DHRSX: variants seen among roughly 807,000 people sequenced by gnomAD.
The protein encoded by DHRSX is polyprenol dehydrogenase.
Under a neutral mutation model 34.0 loss-of-function variants are expected in DHRSX, and 31 were observed. That is an observed-to-expected ratio of 0.91 (90% confidence interval 0.69 to 1.23). DHRSX has a LOEUF of 1.23. DHRSX is among the 50% of genes most tolerant of loss of function. The pLI is 0.00. For synonymous variants in DHRSX, 201 were observed against 183.8 expected, an observed-to-expected ratio of 1.09 and a Z score of -0.76; for missense variants, 414 against 428.1, an observed-to-expected ratio of 0.97 and a Z score of 0.29.
At chrX:2,232,779 G>C (rs2015926162) in intron 6 of DHRSX, among the ~76,000 whole-genome samples, 1 of 151,858 alleles carries the variant, frequency 6.6e-6, no homozygotes, top group Non-Finnish European at 1.5e-5. Context: ...TCACCATGTT[G>C]GCCAGGCTGG....
At chrX:2,405,448 G>A (rs1452354844) in intron 3 of DHRSX, among the ~76,000 whole-genome samples, 3 of 150,554 alleles carry the variant, frequency 2.0e-5, no homozygotes, top group African/African-American at 4.9e-5. Context: ...AGATCACATT[G>A]CTGCACTCCA....
intron 1 of DHRSX, among the ~76,000 whole-genome samples, chrX:2,446,756 A>C (rs1488290621): frequency 6.6e-6 from 1 of 151,892 alleles, no homozygotes; most frequent in East Asian, 2.0e-4. Context: ...GTACAGAAGA[A>C]GACGTTCCCT....
In DHRSX at chrX:2,262,489, TACAC is replaced by T. The variant is rs951648814; in HGVS notation, c.596+4247_596+4250del. On this transcript the variant is annotated intron_variant, in intron 5 of 6. Coordinates refer to ENST00000334651, the MANE Select transcript of DHRSX (RefSeq NM_145177.3). The stretch of plus-strand genomic sequence containing the variant: ...CAAAGACCTCATCTGTGCCCACAGG[TACAC>T]ACAACTCACCTGTGCATATGGGCAC... Among the ~76,000 whole-genome samples the T allele has an allele frequency of 1.6e-4, 24 of 151,744 alleles. No homozygotes were observed. In the South Asian group the frequency reaches 1.9e-3, roughly 12 times the overall value.
intron 3 of DHRSX, among the ~76,000 whole-genome samples, chrX:2,312,075 G>A (rs1053099165): frequency 3.9e-5 from 6 of 151,918 alleles, no homozygotes; most frequent in African/African-American, 1.4e-4. Context: ...TGTAAGCTGT[G>A]ATAGTATCTG....
chrX:2,294,517 T>C (rs182171261), intron 3 of DHRSX, among the ~76,000 whole-genome samples: 2 of 151,600 alleles, frequency 1.3e-5, no homozygotes, highest in African/African-American at 4.8e-5. Context: ...ATACAAAAAT[T>C]AGGCGACTGT....
At chrX:2,275,700 GC>G (rs1029937718) in intron 4 of DHRSX, among the ~76,000 whole-genome samples, 139 of 151,754 alleles carry the variant, frequency 9.2e-4, no homozygotes, top group Non-Finnish European at 1.6e-3. Context: ...GATTTAATTT[GC>G]CTGTTTTTTT....
At chrX:2,367,215 G>A (rs375059990) in intron 3 of DHRSX, among the ~76,000 whole-genome samples, 20 of 152,136 alleles carry the variant, frequency 1.3e-4, no homozygotes, top group East Asian at 7.8e-4. Context: ...TGAGGTGGGC[G>A]GATCACAAAG....
At chrX:2,372,013 T>C (rs1163854793) in intron 3 of DHRSX, among the ~76,000 whole-genome samples, 2 of 152,146 alleles carry the variant, frequency 1.3e-5, no homozygotes, top group Non-Finnish European at 2.9e-5. Flanking sequence ...GAGTTTTTCT[T>C]TTCCCTTAAT....
At chrX:2,480,627 G>A (rs35698584) in intron 1 of DHRSX, among the ~76,000 whole-genome samples, 15,640 of 151,820 alleles carry the variant, frequency 0.1, 1,097 homozygotes, top group Admixed American at 0.16. Context: ...AGACCAGCCT[G>A]AGCAACATAG....
intron 3 of DHRSX, among the ~76,000 whole-genome samples, chrX:2,392,130 G>A (rs1225308426): frequency 6.6e-6 from 1 of 152,090 alleles, no homozygotes; most frequent in Non-Finnish European, 1.5e-5. Context: ...CAATTCAAAC[G>A]TGCTGCTTAA....
chrX:2,407,838 T>C (rs2043576377), intron 3 of DHRSX, among the ~76,000 whole-genome samples: 2 of 152,158 alleles, frequency 1.3e-5, no homozygotes, highest in African/African-American at 2.4e-5. Flanking sequence ...ATGTACGTGA[T>C]TCAGGTGTTA....
At chrX:2,305,073 A>G (rs189055267) in intron 3 of DHRSX, among the ~76,000 whole-genome samples, 2 of 152,290 alleles carry the variant, frequency 1.3e-5, no homozygotes, top group African/African-American at 4.8e-5. Flanking sequence ...ATGGAGCTAG[A>G]AGCCATTATT....
At chrX:2,466,104 G>C (rs753589310) in intron 1 of DHRSX, among the ~76,000 whole-genome samples, 3 of 152,182 alleles carry the variant, frequency 2.0e-5, no homozygotes, top group Admixed American at 1.3e-4. Context: ...ATAAAGAAAG[G>C]GTGGAGCATA....
At chrX:2,443,556 T>C (rs1452856066) in intron 1 of DHRSX, among the ~76,000 whole-genome samples, 1 of 151,740 alleles carries the variant, frequency 6.6e-6, no homozygotes, top group African/African-American at 2.4e-5. Context: ...ACAGGGGAAA[T>C]GATGGATCAA....
chrX:2,424,104 T>C (rs1442614312), intron 2 of DHRSX, among the ~76,000 whole-genome samples: 6 of 152,094 alleles, frequency 3.9e-5, no homozygotes. Flanking sequence ...CCCGATCTAA[T>C]TGAACTGGTG....
chrX:2,455,741 C>CAAAAAAAAAAAAAAAAAAA, intron 1 of DHRSX, among the ~76,000 whole-genome samples: 1 of 59,806 alleles, frequency 1.7e-5, no homozygotes, highest in Non-Finnish European at 3.3e-5. Context: ...AACTTCGTCT[C>CAAAAAAAAAAAAAAAAAAA]AAAAAAAAAA....
intron 3 of DHRSX, among the ~76,000 whole-genome samples, chrX:2,344,915 ACT>A (rs1443520726): frequency 1.7e-5 from 2 of 114,910 alleles, no homozygotes; most frequent in Non-Finnish European, 3.6e-5. Flanking sequence ...ATATATATAT[ACT>A]GTATTTATTT....
At chrX:2,483,179 G>A (rs1267867138) in intron 1 of DHRSX, among the ~76,000 whole-genome samples, 9 of 151,730 alleles carry the variant, frequency 5.9e-5, no homozygotes, top group Non-Finnish European at 1.2e-4. Flanking sequence ...TCGACTTTCC[G>A]GGCTCCAGCG....
chrX:2,346,359 G>T (rs1220978918), intron 3 of DHRSX, among the ~76,000 whole-genome samples: 4 of 152,010 alleles, frequency 2.6e-5, no homozygotes, highest in Admixed American at 6.6e-5. Context: ...AAATATTGCC[G>T]AGTGTGGTTT....
Sources: gnomAD v4.1 joint callset for allele counts (sites outside exome capture counted in the v4.1 genomes callset) on GRCh38, gnomAD v4.1.1 for gene constraint, MANE v1.5 for transcripts, NCBI Gene and HGNC (gene_info 2026-07-23, HGNC 2026-07-21) for gene names.